The following SDK1 variants were observed in gnomAD, a reference collection of about 807,000 sequenced individuals.
The protein encoded by SDK1 is sidekick cell adhesion molecule 1, also known as protein sidekick-1.
In SDK1, 157 loss-of-function variants were observed where a neutral mutation model predicts 245.5. The ratio of observed to expected loss-of-function variants is 0.64; its 90% CI spans 0.56 to 0.73. The LOEUF is 0.73. Ranked by LOEUF, SDK1 falls within the 30% of genes least tolerant of loss-of-function variation. SDK1 has a pLI of 0.00. For synonymous variants in SDK1, 1,647 were observed against 1,278.5 expected, an observed-to-expected ratio of 1.29 and a Z score of -6.15; for missense variants, 3,583 against 3,002.3, an observed-to-expected ratio of 1.19 and a Z score of -4.52.
intron 16 of SDK1, among the ~76,000 whole-genome samples, chr7:4,015,002 A>C (rs943580274): frequency 2.6e-5 from 4 of 152,092 alleles, no homozygotes; most frequent in African/African-American, 9.7e-5. Flanking sequence ...TGGCTCATGC[A>C]GGTGTAGTTC....
At chr7:3,474,587 G>A (rs539127591) in intron 1 of SDK1, among the ~76,000 whole-genome samples, 6 of 152,100 alleles carry the variant, frequency 3.9e-5, no homozygotes, top group African/African-American at 9.6e-5. Context: ...ACCTGTTACC[G>A]TCTTGCCACC....
At chr7:4,208,545 G>A (rs1784360284) in intron 37 of SDK1, among the ~76,000 whole-genome samples, 1 of 152,238 alleles carries the variant, frequency 6.6e-6, no homozygotes, top group African/African-American at 2.4e-5. Context: ...CAGAGCCCTG[G>A]AGATTCAGAG....
rs140513798 is a variant in SDK1 at position 3,850,156 on chromosome 7, A to G, written c.847+28573A>G. 7.2e-4 allele frequency among the ~76,000 whole-genome samples: 110 copies of G among 152,278 alleles called. 1 individual carries two copies. In the East Asian group the frequency reaches 0.02, roughly 28 times the overall value. On this transcript the variant is annotated intron_variant, in intron 5 of 44. Coordinates refer to ENST00000404826, the MANE Select transcript of SDK1 (RefSeq NM_152744.4). The stretch of plus-strand genomic sequence containing the variant: ...AGAATGAAGAGCACCTGCCCTGGGA[A>G]TGGACCCACCCCCCTTCGAGTCTGG...
At chr7:3,633,055 T>C (rs1234293532) in intron 2 of SDK1, among the ~76,000 whole-genome samples, 1 of 152,216 alleles carries the variant, frequency 6.6e-6, no homozygotes, top group Non-Finnish European at 1.5e-5. Flanking sequence ...TGGCTTACAG[T>C]TATTTTTACC....
At chr7:4,154,863 A>T (rs756664570) in intron 30 of SDK1, among the ~76,000 whole-genome samples, 4 of 152,144 alleles carry the variant, frequency 2.6e-5, no homozygotes, top group Non-Finnish European at 4.4e-5. Context: ...GAAGGGTTAC[A>T]GGAGGGTGTT....
intron 14 of SDK1, among the ~76,000 whole-genome samples, chr7:4,001,339 C>T (rs1785057736): frequency 6.6e-6 from 1 of 152,224 alleles, no homozygotes; most frequent in Non-Finnish European, 1.5e-5. Flanking sequence ...TTTCCAACCT[C>T]CTGCCCCTTC....
intron 4 of SDK1, among the ~76,000 whole-genome samples, chr7:3,682,328 G>C (rs938523903): frequency 7.2e-5 from 11 of 152,152 alleles, no homozygotes; most frequent in Admixed American, 7.2e-4. Flanking sequence ...TTTCAACTAT[G>C]CCACAGTTGC....
intron 4 of SDK1, among the ~76,000 whole-genome samples, chr7:3,669,638 G>A (rs937964211): frequency 2.0e-5 from 3 of 152,034 alleles, no homozygotes; most frequent in African/African-American, 4.8e-5. Flanking sequence ...CTTGGTCCTA[G>A]CACTTCACTA....
At chr7:4,253,943 A>G (rs899089291) in intron 44 of SDK1, among the ~76,000 whole-genome samples, 1 of 152,144 alleles carries the variant, frequency 6.6e-6, no homozygotes, top group Non-Finnish European at 1.5e-5. Context: ...TTTTCCAAAT[A>G]TATCATTTTG....
At chr7:3,578,153 C>T (rs1271156335) in intron 1 of SDK1, among the ~76,000 whole-genome samples, 1 of 151,988 alleles carries the variant, frequency 6.6e-6, no homozygotes, top group East Asian at 1.9e-4. Context: ...TTTCCATTAG[C>T]ATACAAAGAG....
intron 1 of SDK1, among the ~76,000 whole-genome samples, chr7:3,447,858 C>G (rs943848959): frequency 2.0e-5 from 3 of 151,934 alleles, no homozygotes; most frequent in African/African-American, 7.3e-5. Context: ...GCATGCGCCA[C>G]CATGCCTGGC....
intron 4 of SDK1, among the ~76,000 whole-genome samples, chr7:3,801,687 A>G (rs1583428290): frequency 6.6e-6 from 1 of 152,136 alleles, no homozygotes; most frequent in Admixed American, 6.5e-5. Flanking sequence ...GGCTGCTCCC[A>G]GCTTGCATCT....
At chr7:3,645,416 T>TTA (rs1583265755) in intron 4 of SDK1, among the ~76,000 whole-genome samples, 2 of 152,318 alleles carry the variant, frequency 1.3e-5, no homozygotes, top group East Asian at 3.9e-4. Flanking sequence ...CCAAGTCTAT[T>TTA]AAGTACCTGC....
chr7:3,857,308 AG>A (rs1405765566), intron 5 of SDK1, among the ~76,000 whole-genome samples: 1 of 152,168 alleles, frequency 6.6e-6, no homozygotes. Flanking sequence ...AAGGGGAAAA[AG>A]AAACTGAAAA....
chr7:4,214,652 C>A (rs544094999), intron 38 of SDK1, among the ~76,000 whole-genome samples: 6 of 152,320 alleles, frequency 3.9e-5, no homozygotes, highest in Admixed American at 3.3e-4. Context: ...GCAGACCCCC[C>A]ACGTTTGGGC....
chr7:3,905,236 C>T (rs1391248157), intron 5 of SDK1, among the ~76,000 whole-genome samples: 2 of 151,842 alleles, frequency 1.3e-5, no homozygotes, highest in African/African-American at 2.4e-5. Flanking sequence ...TTTATTCTGT[C>T]AGTCTCCTAT....
At chr7:3,805,862 A>C (rs1182449830) in intron 4 of SDK1, among the ~76,000 whole-genome samples, 2 of 152,084 alleles carry the variant, frequency 1.3e-5, no homozygotes, top group African/African-American at 2.4e-5. Flanking sequence ...GAACCAAAAC[A>C]CTTCTCTTTA....
At chr7:3,853,619 C>G (rs1226848399) in intron 5 of SDK1, among the ~76,000 whole-genome samples, 1 of 152,056 alleles carries the variant, frequency 6.6e-6, no homozygotes, top group Non-Finnish European at 1.5e-5. Flanking sequence ...TTGAGCACCC[C>G]TAATCTGGAA....
At chr7:3,989,153 T>C (rs1015061858) in intron 14 of SDK1, among the ~76,000 whole-genome samples, 2 of 152,192 alleles carry the variant, frequency 1.3e-5, no homozygotes, top group Non-Finnish European at 1.5e-5. Flanking sequence ...CACCCAAGAC[T>C]GGGCAATTTA....
Sources: gnomAD v4.1 joint callset for allele counts (sites outside exome capture counted in the v4.1 genomes callset) on GRCh38, gnomAD v4.1.1 for gene constraint, MANE v1.5 for transcripts, NCBI Gene and HGNC (gene_info 2026-07-23, HGNC 2026-07-21) for gene names.